NEGR1: variants seen among roughly 807,000 people sequenced by gnomAD.
NEGR1 encodes neuronal growth regulator 1.
Under a neutral mutation model 40.9 loss-of-function variants are expected in NEGR1, and 10 were observed. The observed-to-expected ratio is 0.24, with a 90% confidence interval of 0.15 to 0.42. NEGR1 has a LOEUF of 0.42. NEGR1 is among the 10% of genes least tolerant of loss of function. NEGR1 has a pLI of 1.00. For missense variants in NEGR1, 352 were observed against 438.9 expected, an observed-to-expected ratio of 0.80 and a Z score of 1.77; for synonymous variants, 185 against 166.8, an observed-to-expected ratio of 1.11 and a Z score of -0.84.
chr1:71,786,900 T>C (rs1352467682), intron 2 of NEGR1, among the ~76,000 whole-genome samples: 1 of 152,198 alleles, frequency 6.6e-6, no homozygotes, highest in Non-Finnish European at 1.5e-5. Flanking sequence ...CCGGTACTGT[T>C]CTCTGAGAAC....
intron 3 of NEGR1, chr1:71,703,155 A>G (rs553681611): frequency 6.6e-6 from 1 of 152,152 alleles, no homozygotes; most frequent in African/African-American, 2.4e-5. Context: ...AGAGACATTG[A>G]TCTTTGATGA....
intron 5 of NEGR1, among the ~76,000 whole-genome samples, chr1:71,603,676 G>T (rs759466197): frequency 2.3e-4 from 35 of 152,210 alleles, no homozygotes; most frequent in Admixed American, 5.2e-4. Flanking sequence ...TTTCCAAAAT[G>T]GAAAGCAAGT....
chr1:71,942,475 ATATATATATTTTTTTTTTTTTT>A (rs1645972567), intron 1 of NEGR1, among the ~76,000 whole-genome samples: 1 of 13,960 alleles, frequency 7.2e-5, no homozygotes, highest in African/African-American at 2.4e-4. Context: ...ATATATATAT[ATATATATATTTTTTTTTTTTTT>A]TTTTTTTTTT....
chr1:71,729,918 G>T (rs1278722948), intron 3 of NEGR1, among the ~76,000 whole-genome samples: 8 of 150,544 alleles, frequency 5.3e-5, no homozygotes, highest in Admixed American at 2.0e-4. Context: ...AATGAGAAAA[G>T]AATCTTTTTT....
intron 2 of NEGR1, among the ~76,000 whole-genome samples, chr1:71,875,093 C>T (rs572512617): frequency 3.2e-4 from 49 of 152,120 alleles, no homozygotes; most frequent in Non-Finnish European, 5.4e-4. Context: ...GCAATCAGCC[C>T]ATCTCAGCCT....
intron 6 of NEGR1, among the ~76,000 whole-genome samples, chr1:71,532,574 T>C (rs1232286238): frequency 6.6e-6 from 1 of 151,626 alleles, no homozygotes; most frequent in Non-Finnish European, 1.5e-5. Flanking sequence ...ACAGCTCTGT[T>C]TGCAAAGGCA....
chr1:71,834,013 A>G (rs1449474367), intron 2 of NEGR1, among the ~76,000 whole-genome samples: 7 of 152,128 alleles, frequency 4.6e-5, no homozygotes, highest in Admixed American at 4.6e-4. Context: ...TATGGCAGAC[A>G]ATTAATAAAT....
chr1:71,567,231 C>T (rs1384603676), intron 6 of NEGR1, among the ~76,000 whole-genome samples: 1 of 152,078 alleles, frequency 6.6e-6, no homozygotes, highest in East Asian at 1.9e-4. Flanking sequence ...CTATTTCCAT[C>T]ATATTCCAAA....
At chr1:71,540,616 A>G (rs1199534859) in intron 6 of NEGR1, among the ~76,000 whole-genome samples, 1 of 151,680 alleles carries the variant, frequency 6.6e-6, no homozygotes. Flanking sequence ...TTAACACATT[A>G]CTCATCAGTT....
chr1:72,132,738 A>G (rs1459883444), intron 1 of NEGR1, among the ~76,000 whole-genome samples: 1 of 152,174 alleles, frequency 6.6e-6, no homozygotes, highest in African/African-American at 2.4e-5. Context: ...CTTCCATATA[A>G]GTAATTTATG....
intron 1 of NEGR1, among the ~76,000 whole-genome samples, chr1:72,114,466 GATA>G (rs1649506541): frequency 1.3e-5 from 2 of 151,626 alleles, no homozygotes; most frequent in Admixed American, 1.3e-4. Context: ...TAGGATAGAT[GATA>G]ATGACAGATA....
chr1:71,412,271 C>T (rs1646328291), intron 6 of NEGR1, among the ~76,000 whole-genome samples: 1 of 152,114 alleles, frequency 6.6e-6, no homozygotes, highest in Admixed American at 6.6e-5. Flanking sequence ...ATGCAACCTC[C>T]TTAAGCCTAG....
Position 72,231,541 on chromosome 1 carries a change from G to C in NEGR1, c.176+50778C>G, listed in dbSNP as rs144309263. On this transcript the variant is annotated intron_variant, in intron 1 of 6. Transcript: ENST00000357731. ...CTTACAACTATAGTATTATGTGTTT[G>C]ATATTAATTTTCTTATAATTATTGA... 1.8e-3 allele frequency among the ~76,000 whole-genome samples: 272 copies of C among 152,176 alleles called. 4 individuals are homozygous for C. The highest frequency in any genetic ancestry group is 6.2e-3 in the South Asian group (30 of 4,818).
At chr1:71,980,182 A>G (rs1286865222) in intron 1 of NEGR1, among the ~76,000 whole-genome samples, 1 of 152,172 alleles carries the variant, frequency 6.6e-6, no homozygotes, top group Non-Finnish European at 1.5e-5. Context: ...GGAGCCAGAA[A>G]TAGTAGTGGG....
chr1:71,536,753 C>T (rs1278713477), intron 6 of NEGR1, among the ~76,000 whole-genome samples: 1 of 151,598 alleles, frequency 6.6e-6, no homozygotes, highest in Non-Finnish European at 1.5e-5. Context: ...AGGACAAATG[C>T]ACTCCTAAAA....
intron 6 of NEGR1, among the ~76,000 whole-genome samples, chr1:71,525,536 A>G (rs187234512): frequency 6.7e-4 from 102 of 151,810 alleles, no homozygotes; most frequent in Admixed American, 6.0e-3. Context: ...TCATTTATGC[A>G]TTTATGCAGT....
At chr1:72,169,910 G>A (rs370111729) in intron 1 of NEGR1, among the ~76,000 whole-genome samples, 6 of 152,052 alleles carry the variant, frequency 3.9e-5, no homozygotes, top group South Asian at 4.1e-4. Flanking sequence ...GTAAGATATC[G>A]CTTGAAACCA....
At chr1:71,760,214 T>C (rs1195108245) in intron 3 of NEGR1, among the ~76,000 whole-genome samples, 1 of 152,178 alleles carries the variant, frequency 6.6e-6, no homozygotes, top group Non-Finnish European at 1.5e-5. Flanking sequence ...TTTTTATGGG[T>C]AAGCACCTTC....
In NEGR1 at chr1:71,787,517, T is replaced by G. The variant is rs184844134; in HGVS notation, c.410-11220A>C. Among the ~76,000 whole-genome samples, 223 of 152,230 alleles carry G rather than the reference T, an allele frequency of 1.5e-3. 2 individuals carry two copies. The highest frequency in any genetic ancestry group is 4.2e-3 in the Admixed American group (64 of 15,284). ...CCACTGATAATTTCCATCCTAAAAA[T>G]AGAAAAGTCTAGGCTTGCTAGAACT... On this transcript the variant is annotated intron_variant, in intron 2 of 6. Transcript: ENST00000357731.
Sources: gnomAD v4.1 joint callset for allele counts (sites outside exome capture counted in the v4.1 genomes callset) on GRCh38, gnomAD v4.1.1 for gene constraint, MANE v1.5 for transcripts, NCBI Gene and HGNC (gene_info 2026-07-23, HGNC 2026-07-21) for gene names.